TFAP2D: variants seen among roughly 807,000 people sequenced by gnomAD.
TFAP2D encodes transcription factor AP-2-delta.
TFAP2D carries 9 observed loss-of-function variants against 43.6 expected under a neutral mutation model. The ratio of observed to expected loss-of-function variants is 0.21; its 90% CI spans 0.12 to 0.36. The LOEUF is 0.36. Ranked by LOEUF, TFAP2D falls within the 10% of genes least tolerant of loss-of-function variation. TFAP2D has a pLI of 1.00. For synonymous variants in TFAP2D, 256 were observed against 224.9 expected, an observed-to-expected ratio of 1.14 and a Z score of -1.24; for missense variants, 513 against 561.4, an observed-to-expected ratio of 0.91 and a Z score of 0.87.
intron 7 of TFAP2D, among the ~76,000 whole-genome samples, chr6:50,763,947 G>A (rs1319117995): frequency 1.3e-5 from 2 of 152,084 alleles, no homozygotes; most frequent in East Asian, 3.9e-4. Flanking sequence ...TCAACCAACT[G>A]TAAGCCTGAA....
intron 3 of TFAP2D, among the ~76,000 whole-genome samples, chr6:50,720,703 G>A (rs1336401784): frequency 6.6e-6 from 1 of 152,112 alleles, no homozygotes; most frequent in Non-Finnish European, 1.5e-5. Context: ...CAGTGAACAG[G>A]GGACCAGGTG....
At chr6:50,742,420 C>T (rs1561936765) in intron 5 of TFAP2D, among the ~76,000 whole-genome samples, 3 of 152,112 alleles carry the variant, frequency 2.0e-5, no homozygotes, top group South Asian at 2.1e-4. Flanking sequence ...GGGACAGATC[C>T]GCAGGAATCA....
At chr6:50,757,490 T>A (rs5016908) in intron 7 of TFAP2D, among the ~76,000 whole-genome samples, 12 of 78,686 alleles carry the variant, frequency 1.5e-4, no homozygotes, top group East Asian at 8.8e-4. Flanking sequence ...TATATATATA[T>A]AATATATATA....
At chr6:50,725,978 G>A (rs1237835585) in intron 3 of TFAP2D, among the ~76,000 whole-genome samples, 1 of 152,180 alleles carries the variant, frequency 6.6e-6, no homozygotes, top group African/African-American at 2.4e-5. Context: ...AGAGTTGATG[G>A]CTAATCCTGA....
At chr6:50,769,360 C>T (rs930640121) in intron 7 of TFAP2D, among the ~76,000 whole-genome samples, 5 of 152,166 alleles carry the variant, frequency 3.3e-5, no homozygotes, top group African/African-American at 9.7e-5. Flanking sequence ...CTCCAAATCA[C>T]GAAGTGCCTG....
intron 3 of TFAP2D, among the ~76,000 whole-genome samples, chr6:50,722,136 G>A (rs1313401741): frequency 6.6e-6 from 1 of 152,176 alleles, no homozygotes; most frequent in Non-Finnish European, 1.5e-5. Context: ...CAGCAGCTAG[G>A]TAATTACCAC....
chr6:50,715,460 C>G lies in TFAP2D; in HGVS notation c.384C>G (p.Asp128Glu), dbSNP rs757039322. Residue 128 changes from aspartate to glutamate, a missense_variant, in exon 2 of 8, where the codon GAC becomes GAG. Coordinates refer to ENST00000008391, the MANE Select transcript of TFAP2D (RefSeq NM_172238.4). ...NARALKSSCL[D>E]EQRRELGCLD... Reference sequence around the variant, plus strand: ...GGGCGCTCAAGTCGTCCTGCCTGGACGAGCAGAGGCGGGAGCTGGGCTGCC... The same window carrying G: ...GGGCGCTCAAGTCGTCCTGCCTGGAGGAGCAGAGGCGGGAGCTGGGCTGCC... The G allele has an allele frequency of 5.6e-6, 9 of 1,613,992 alleles. No individual in the cohort carries two copies. Among genetic ancestry groups the G allele is most frequent in the Non-Finnish European group, 5.9e-6 (7 of 1,180,044 alleles).
chr6:50,752,159 G>A (rs1769209043), intron 7 of TFAP2D, among the ~76,000 whole-genome samples: 3 of 151,744 alleles, frequency 2.0e-5, no homozygotes, highest in East Asian at 1.9e-4. Flanking sequence ...TATTATTGGA[G>A]TCATATGTAA....
rs576864003 is a variant in TFAP2D, at chr6:50,762,354, C to T, written c.1140-10291C>T. On this transcript the variant is annotated intron_variant, in intron 7 of 7. Coordinates refer to ENST00000008391, the MANE Select transcript of TFAP2D (RefSeq NM_172238.4). ...GTCCACAGGTGCACACACACTCTTT[C>T]TCTCTCTTTCACACATATATGCATA... Among the ~76,000 whole-genome samples the T allele has an allele frequency of 3.9e-5, 6 of 152,152 alleles. No homozygotes were observed. In the South Asian group the frequency reaches 1.2e-3, roughly 32 times the overall value.
chr6:50,741,448 C>G (rs887021751), intron 5 of TFAP2D, among the ~76,000 whole-genome samples: 20 of 152,158 alleles, frequency 1.3e-4, no homozygotes, highest in African/African-American at 4.3e-4. Context: ...ACTCTCCACC[C>G]TCCAGAAGAC....
At position 50,713,932 on chromosome 6, in the gene TFAP2D, A is replaced by T; in HGVS notation, c.-124A>T. 1 of 1,412,886 alleles carries T rather than the reference A, an allele frequency of 7.1e-7. No individual in the cohort carries two copies. The highest frequency in any genetic ancestry group is 9.9e-7 in the Non-Finnish European group (1 of 1,009,038). The allele number at this position is 1,412,886 out of a possible 1,614,324, so 87.5% of individuals were successfully genotyped here. A position where few individuals can be genotyped will look rare whatever the true frequency, so the allele number is the denominator to read the frequency against. On this transcript the variant is annotated 5_prime_UTR_variant, in exon 1 of 8. Transcript: ENST00000008391. ...CGGGCAAAACCATTACAATTTAGAT[A>T]TCTACCTATAGAACATTTTTTTTTT... is the stretch of plus-strand genomic sequence containing the variant.
chr6:50,719,474 AAAGAAAGAAAGAAAGAAAGAAAGAAAG>A (rs1024601663), intron 3 of TFAP2D, among the ~76,000 whole-genome samples: 4 of 136,520 alleles, frequency 2.9e-5, no homozygotes, highest in African/African-American at 7.5e-5. Flanking sequence ...AGAAAGAAAG[AAAGAAAGAAAGAAAGAAAGAAAGAAAG>A]AAGTTTCTCA....
At chr6:50,735,068 C>A (rs1163126648) in intron 5 of TFAP2D, among the ~76,000 whole-genome samples, 1 of 152,054 alleles carries the variant, frequency 6.6e-6, no homozygotes, top group African/African-American at 2.4e-5. Flanking sequence ...AAAAATAACA[C>A]CCTTCACATA....
chr6:50,744,983 A>T, intron 5 of TFAP2D, 124 bp from the exon 6 acceptor site: 1 of 1,208,650 alleles, frequency 8.3e-7, no homozygotes, highest in Non-Finnish European at 1.1e-6. Context: ...TTTCTTGAAT[A>T]GTTTAAGTAG....
In TFAP2D at chr6:50,772,729, C is replaced by T. The variant is rs369405387; in HGVS notation, c.1224C>T (p.Tyr408=). The T allele has an allele frequency of 6.2e-7, 1 of 1,614,160 alleles. No homozygotes were observed. The highest frequency in any genetic ancestry group is 8.5e-7 in the Non-Finnish European group (1 of 1,180,024). Residue 408 remains tyrosine (Y), a synonymous_variant, in exon 8 of 8, where the codon TAC becomes TAT. Coordinates refer to ENST00000008391, the MANE Select transcript of TFAP2D (RefSeq NM_172238.4). ...CAGTTCTCAGTGAAATGCTGAACTA[C>T]TTGGAAAAACACACTACTCACAAGA... ...FQTVLSEMLN[Y]LEKHTTHKNG...
intron 5 of TFAP2D, among the ~76,000 whole-genome samples, chr6:50,742,573 C>CATAGATAGTTAGATAG (rs1554154240): frequency 6.9e-6 from 1 of 145,382 alleles, no homozygotes; most frequent in African/African-American, 2.6e-5. Flanking sequence ...GACAGACACA[C>CATAGATAGTTAGATAG]ATAGATAGAT....
intron 7 of TFAP2D, among the ~76,000 whole-genome samples, chr6:50,755,500 G>A (rs553808352): frequency 6.6e-6 from 1 of 151,392 alleles, no homozygotes; most frequent in Non-Finnish European, 1.5e-5. Flanking sequence ...GTAGTTCTAG[G>A]GCTGGACTCA....
chr6:50,746,682 T>C (rs1769129206), intron 6 of TFAP2D, among the ~76,000 whole-genome samples: 1 of 152,184 alleles, frequency 6.6e-6, no homozygotes, highest in Non-Finnish European at 1.5e-5. Context: ...AAACCAAAAC[T>C]AAATATTCTC....
intron 7 of TFAP2D, among the ~76,000 whole-genome samples, chr6:50,755,620 A>AG (rs1412051821): frequency 6.6e-6 from 1 of 151,930 alleles, no homozygotes; most frequent in East Asian, 1.9e-4. Context: ...CTTTGGGAGA[A>AG]GAAAAACTCC....
Sources: gnomAD v4.1 joint callset for allele counts (sites outside exome capture counted in the v4.1 genomes callset) on GRCh38, gnomAD v4.1.1 for gene constraint, MANE v1.5 for transcripts, NCBI Gene and HGNC (gene_info 2026-07-23, HGNC 2026-07-21) for gene names.